Variants in DDX51 observed in about 807,000 individuals in gnomAD.
The protein encoded by DDX51 is ATP-dependent RNA helicase DDX51.
DDX51 carries 67 observed loss-of-function variants against 74.6 expected under a neutral mutation model. The ratio of observed to expected loss-of-function variants is 0.90; its 90% CI spans 0.74 to 1.10. The LOEUF is 1.10. Ranked by LOEUF, DDX51 falls within the 50% of genes least tolerant of loss-of-function variation. DDX51 has a pLI of 0.00. For synonymous variants in DDX51, 545 were observed against 402.9 expected (o/e 1.35, Z -4.22); for missense variants, 1,056 against 905.2 (o/e 1.17, Z -2.14).
Position 132,144,170 on chromosome 12 carries a change from G to A in DDX51, c.127C>T (p.Arg43Cys). The A allele has an allele frequency of 8.5e-7, 1 of 1,176,068 alleles. No homozygotes were observed. The highest frequency in any genetic ancestry group is 1.0e-6 in the Non-Finnish European group (1 of 952,946). 72.9% of individuals were successfully genotyped at this position (1,176,068 alleles called of 1,614,324 possible). Reference sequence around the variant, plus strand: ...GGCTCCCGCTGCTGCTGCCGTTCGCGGGCCCGGCTCTGCAGCCGCTCGAGC... The same window carrying A: ...GGCTCCCGCTGCTGCTGCCGTTCGCAGGCCCGGCTCTGCAGCCGCTCGAGC... ...ALLERLQSRA[R>C]ERQQQREPAQ... is the part of the protein sequence containing the mutation. Residue 43 changes from arginine to cysteine, a missense_variant, in exon 1 of 15, where the codon CGC (arginine) becomes TGC (cysteine). Coordinates refer to ENST00000397333, the MANE Select transcript of DDX51 (RefSeq NM_175066.4).
rs541061029 is a variant in DDX51 at position 132,142,851 on chromosome 12, C to G, written c.547G>C (p.Ala183Pro). The change falls in exon 3 of 15, where the codon GCT becomes CCT. Residue 183 changes from alanine to proline, a missense_variant. Transcript: ENST00000397333. ...KVQPFLPRWLAEPNCVRRNVT... is the reference protein window; with the variant it reads ...KVQPFLPRWLPEPNCVRRNVT... ...TTCCTTCTGACACAGTTAGGCTCAG[C>G]CAGCCACCTTGGCAGGAAAGGCTGG... 3.7e-5 allele frequency: 60 copies of G among 1,612,852 alleles called. No homozygotes were observed. In the South Asian group the frequency reaches 5.7e-4, roughly 15 times the overall value.
Position 132,142,720 on chromosome 12 carries a change from T to C in DDX51, c.670+8A>G. 6.2e-7 allele frequency: 1 copy of C among 1,612,396 alleles called. No individual in the cohort carries two copies. On this transcript the variant is annotated splice_region_variant and intron_variant, in intron 3 of 14. Coordinates refer to ENST00000397333, the MANE Select transcript of DDX51 (RefSeq NM_175066.4). ...GTTCCCTCAGCTGCCTGCCCGGGGCTGGGGCACCTGGAAAGTAGGACGAGA... is the reference window on the plus strand; with the variant it reads ...GTTCCCTCAGCTGCCTGCCCGGGGCCGGGGCACCTGGAAAGTAGGACGAGA...
At chr12:132,139,559 C>A (rs778928018) in intron 14 of DDX51, 76 bp downstream of exon 14, 2 of 1,611,310 alleles carry the variant, frequency 1.2e-6, no homozygotes, top group African/African-American at 2.7e-5. Context: ...TCCCTCTTTT[C>A]TCCACGTGTG....
At position 132,140,249 on chromosome 12, in the gene DDX51, G is replaced by A. The variant is rs138633938; in HGVS notation, c.1674-50C>T. The A allele has an allele frequency of 6.7e-5, 107 of 1,589,580 alleles. No individual in the cohort carries two copies. In the East Asian group the frequency reaches 9.6e-4, roughly 14 times the overall value. On this transcript the variant is annotated intron_variant, in intron 11 of 14. Transcript: ENST00000397333. ...GCCCGACGTGCCAGGAGCAGGGGCC[G>A]TGGCAGCACCGGCCCTGCGGGGGGC...
chr12:132,140,095 C>T lies in DDX51; in HGVS notation c.1775+3G>A. ...CCCCAGTGGCCGCTGCGCCAGCGCT[C>T]ACCGGTGCACGTAGGTTCTCAGGTA... On this transcript the variant is annotated splice_donor_region_variant and intron_variant, in intron 12 of 14. Coordinates refer to ENST00000397333, the MANE Select transcript of DDX51 (RefSeq NM_175066.4). The T allele has an allele frequency of 1.9e-6, 3 of 1,612,496 alleles. No homozygotes were observed. The South Asian group carries it at 3.3e-5, about 18-fold the overall frequency.
In DDX51 at chr12:132,142,359, C is replaced by T. The variant is rs1023775647; in HGVS notation, c.734G>A (p.Gly245Asp). 4 of 1,613,010 alleles carry T rather than the reference C, an allele frequency of 2.5e-6. No individual in the cohort carries two copies. The highest frequency in any genetic ancestry group is 3.4e-6 in the Non-Finnish European group (4 of 1,180,010). Reference sequence around the variant, plus strand: ...ACAGAGGTCGCTAGGCCGGTAGCCACCTCTGCCCACCAGAAACCCACAGGC... The same window carrying T: ...ACAGAGGTCGCTAGGCCGGTAGCCATCTCTGCCCACCAGAAACCCACAGGC... ...SAACGFLVGR[G>D]GYRPSDLCVS... Residue 245 changes from glycine to aspartate, a missense_variant, in exon 4 of 15, where the codon GGT (glycine) becomes GAT (aspartate). By Grantham distance (94) the Gly-to-Asp change is moderately conservative (BLOSUM62 -1). Coordinates refer to ENST00000397333, the MANE Select transcript of DDX51 (RefSeq NM_175066.4).
chr12:132,140,121 C>T lies in DDX51; in HGVS notation c.1752G>A (p.Gln584=), dbSNP rs1409666337. The T allele has an allele frequency of 1.2e-6, 2 of 1,612,750 alleles. No homozygotes were observed. The highest frequency in any genetic ancestry group is 1.3e-5 in the African/African-American group (1 of 75,018). The change falls in exon 12 of 15, where the codon CAG becomes CAA. Residue 584 remains glutamine, a synonymous_variant. Transcript: ENST00000397333. ...VELVVNYDAP[Q]YLRTYVHRVG... ...ACCGGTGCACGTAGGTTCTCAGGTA[C>T]TGGGGGGCGTCGTAGTTCACCACCA...
Position 132,144,046 on chromosome 12 carries a change from G to T in DDX51, c.251C>A (p.Pro84Gln). 7.4e-7 allele frequency: 1 copy of T among 1,342,736 alleles called. No homozygotes were observed. The highest frequency in any genetic ancestry group is 1.9e-5 in the South Asian group (1 of 52,684). 83.2% of individuals were successfully genotyped at this position (1,342,736 alleles called of 1,614,324 possible). ...RRVNDAEPGS[P>Q]EAPQGKRRKA... The stretch of plus-strand genomic sequence containing the variant: ...CCGTCGCTTTCCCTGCGGCGCCTCC[G>T]GGCTCCCCGGCTCCGCGTCGTTCAC... Residue 84 changes from proline (P) to glutamine (Q), a missense_variant, in exon 1 of 15, where the codon CCG (proline) becomes CAG (glutamine). Pro to Gln is a moderately conservative substitution (Grantham distance 76). Transcript: ENST00000397333.
Position 132,142,798 on chromosome 12 carries a change from C to G in DDX51, c.600G>C (p.Glu200Asp). 1 of 1,613,106 alleles carries G rather than the reference C, an allele frequency of 6.2e-7. No homozygotes were observed. The highest frequency in any genetic ancestry group is 8.5e-7 in the Non-Finnish European group (1 of 1,180,010). The change falls in exon 3 of 15, where the codon GAG becomes GAC. Residue 200 changes from glutamate to aspartate, a missense_variant. By Grantham distance (45) the Glu-to-Asp change is conservative. Coordinates refer to ENST00000397333, the MANE Select transcript of DDX51 (RefSeq NM_175066.4). ...GGTCAGGATGGACGTCAGGGATGTC[C>G]TCGATAGGAACCAGGTCTTCGGTGA... ...RNVTEDLVPI[E>D]DIPDVHPDLQ...
rs572418055 is a variant in DDX51, at chr12:132,141,427, G to A, written c.1105-7C>T. On this transcript the variant is annotated splice_region_variant and splice_polypyrimidine_tract_variant and intron_variant, in intron 7 of 14. Transcript: ENST00000397333. ...GGTCAGCCTCGTCGATAATCTGCAG[G>A]AGACAGGGAGCCCGGGACTGGGTGG... 2.3e-5 allele frequency: 36 copies of A among 1,588,274 alleles called. No individual in the cohort carries two copies. The South Asian group carries it at 3.5e-4, about 16-fold the overall frequency.
At chr12:132,143,373 G>C in intron 2 of DDX51, 1 of 506,226 alleles carries the variant, frequency 2.0e-6, no homozygotes, top group South Asian at 2.4e-5. Context: ...AAACACCAAC[G>C]GTCAGGAGCT....
In DDX51 at chr12:132,143,695, C is replaced by G. The variant is rs1192423509; in HGVS notation, c.519G>C (p.Lys173Asn). 1.3e-6 allele frequency: 2 copies of G among 1,538,188 alleles called. No individual in the cohort carries two copies. The highest frequency in any genetic ancestry group is 5.0e-5 in the East Asian group (2 of 39,844). ...LGGFGKRKAPKVQPFLPRWLA... is the reference protein window; with the variant it reads ...LGGFGKRKAPNVQPFLPRWLA... ...CACCCTCCCGCCCGCCGAGGCTCAC[C>G]TTCGGCGCCTTCCTCTTCCCGAACC... The change falls in exon 2 of 15, where the codon AAG becomes AAC. Residue 173 changes from lysine (K) to asparagine (N), a missense_variant and splice_region_variant. By Grantham distance (94) the Lys-to-Asn change is moderately conservative. Coordinates refer to ENST00000397333, the MANE Select transcript of DDX51 (RefSeq NM_175066.4).
chr12:132,140,339 G>A lies in DDX51; in HGVS notation c.1673+84C>T, dbSNP rs1565953399. The A allele has an allele frequency of 1.6e-5, 25 of 1,577,674 alleles. 1 individual carries two copies. In the South Asian group the frequency reaches 2.3e-4, roughly 15 times the overall value. ...GGCACAGGAAGCCAATTTGCAGAAG[G>A]AAGCACCTTTTAGAGAGCCCCAGGC... On this transcript the variant is annotated intron_variant, in intron 11 of 14. Coordinates refer to ENST00000397333, the MANE Select transcript of DDX51 (RefSeq NM_175066.4).
chr12:132,142,512 C>T, intron 3 of DDX51, 90 bp from the exon 4 acceptor site: 1 of 1,532,926 alleles, frequency 6.5e-7, no homozygotes, highest in Non-Finnish European at 8.7e-7. Context: ...CTGGGCTGCT[C>T]TGCTGGAGGC....
In DDX51 at chr12:132,141,333, G is replaced by T; in HGVS notation, c.1192C>A (p.Pro398Thr). The change falls in exon 8 of 15, where the codon CCC (proline) becomes ACC (threonine). Residue 398 changes from proline (P) to threonine (T), a missense_variant. Transcript: ENST00000397333. ...VVAAAFQSED[P>T]ADPCALLQRR... ...TGGAGCAGGGCACAGGGGTCCGCGGGGTCCTCGCTCTGGAAGGCGGCCGCC... is the reference window on the plus strand; with the variant it reads ...TGGAGCAGGGCACAGGGGTCCGCGGTGTCCTCGCTCTGGAAGGCGGCCGCC... 6.3e-7 allele frequency: 1 copy of T among 1,598,820 alleles called. No homozygotes were observed. The highest frequency in any genetic ancestry group is 8.5e-7 in the Non-Finnish European group (1 of 1,179,682).
In DDX51 at chr12:132,142,274, G is replaced by A. The variant is rs747355116; in HGVS notation, c.816+3C>T. The A allele has an allele frequency of 1.9e-5, 30 of 1,612,894 alleles. No individual in the cohort carries two copies. The highest frequency in any genetic ancestry group is 1.2e-4 in the Admixed American group (7 of 59,996). On this transcript the variant is annotated splice_donor_region_variant and intron_variant, in intron 4 of 14. Coordinates refer to ENST00000397333, the MANE Select transcript of DDX51 (RefSeq NM_175066.4). ...TGTAGAGAAAGGGGACCCTCACACA[G>A]ACCTGCACCACAGGGATGACGAAGG... is the stretch of plus-strand genomic sequence containing the variant.
intron 8 of DDX51, 50 bp downstream of exon 8, chr12:132,141,225 C>G: frequency 1.3e-6 from 2 of 1,545,306 alleles, no homozygotes; most frequent in Non-Finnish European, 1.7e-6. Context: ...GAGCTGTGTG[C>G]AGAGGACTCT....
At position 132,140,923 on chromosome 12, in the gene DDX51, G is replaced by C; in HGVS notation, c.1348C>G (p.Arg450Gly). The C allele has an allele frequency of 6.2e-7, 1 of 1,613,326 alleles. No individual in the cohort carries two copies. Among genetic ancestry groups the C allele is most frequent in the Non-Finnish European group, 8.5e-7 (1 of 1,179,942 alleles). Residue 450 changes from arginine to glycine, a missense_variant, in exon 9 of 15, where the codon CGG (arginine) becomes GGG (glycine). Physicochemically the swap from Arg to Gly is moderately radical, Grantham distance 125 (BLOSUM62 -2). Transcript: ENST00000397333. ...TGTGCTAGCCCTGTGGAGAAAAGCC[G>C]GGGCTGGTGGAGGCCCAGCTGCTGC... The part of the protein sequence containing the change: ...KLQQLGLHQP[R>G]LFSTGLAHRG...
At chr12:132,143,457 A>G (rs1897559492) in intron 2 of DDX51, 2 of 599,684 alleles carry the variant, frequency 3.3e-6, no homozygotes, top group Non-Finnish European at 5.7e-6. Context: ...ACGCAAACAC[A>G]TCTTGCAGAA....
Sources: gnomAD v4.1 joint callset for allele counts on GRCh38, gnomAD v4.1.1 for gene constraint, MANE v1.5 for transcripts, NCBI Gene and HGNC (gene_info 2026-07-23, HGNC 2026-07-21) for gene names.